Variants in TP53BP1 observed in about 807,000 individuals in gnomAD.
TP53BP1 encodes the protein TP53-binding protein 1.
In TP53BP1, 61 loss-of-function variants were observed where a neutral mutation model predicts 200.8. That is an observed-to-expected ratio of 0.30 (90% CI 0.25 to 0.38). TP53BP1 has a LOEUF of 0.38. Ranked by LOEUF, TP53BP1 falls within the 10% of genes least tolerant of loss-of-function variation. TP53BP1 has a pLI of 1.00. For synonymous variants in TP53BP1, 822 were observed against 844.3 expected (o/e 0.97, Z 0.46); for missense variants, 2,144 against 2,371.9 (o/e 0.90, Z 2.00).
At chr15:43,418,235 C>T (rs561132158) in intron 21 of TP53BP1, among the ~76,000 whole-genome samples, 6 of 148,454 alleles carry the variant, frequency 4.0e-5, no homozygotes, top group Admixed American at 6.7e-5. Context: ...TGGTGGCTCA[C>T]GTCTGTAATC....
Position 43,446,538 on chromosome 15 carries a change from T to C in TP53BP1, c.2889A>G (p.Glu963=). The part of the protein sequence containing the change: ...STIATSDVMS[E]SMVETHDPIL... Reference sequence around the variant, plus strand: ...TGGGATCATGGGTCTCCACCATGCTTTCAGACATGACATCACTGGTTGCTA... The same window carrying C: ...TGGGATCATGGGTCTCCACCATGCTCTCAGACATGACATCACTGGTTGCTA... Residue 963 remains glutamate (E), a synonymous_variant, in exon 14 of 28, where the codon GAA becomes GAG. Coordinates refer to ENST00000382044, the MANE Select transcript of TP53BP1 (RefSeq NM_001141980.3). 1 of 1,614,176 alleles carries C rather than the reference T, an allele frequency of 6.2e-7. No individual in the cohort carries two copies. Among genetic ancestry groups the C allele is most frequent in the Admixed American group, 1.7e-5 (1 of 60,016 alleles).
chr15:43,425,404 C>T (rs904638059), intron 18 of TP53BP1, among the ~76,000 whole-genome samples: 2 of 152,170 alleles, frequency 1.3e-5, no homozygotes, highest in African/African-American at 4.8e-5. Context: ...AGGAAGATCA[C>T]TTGAGAACAG....
At position 43,440,516 on chromosome 15, in the gene TP53BP1, A is replaced by G. The variant is rs542688717; in HGVS notation, c.3098+1010T>C. ...GATGACAGAGTGAGACTCCGTCTCA[A>G]AAAAAAAAACAAAAAAAAAACACTC... On this transcript the variant is annotated intron_variant, in intron 15 of 27. Coordinates refer to ENST00000382044, the MANE Select transcript of TP53BP1 (RefSeq NM_001141980.3). Among the ~76,000 whole-genome samples, 298 of 142,494 alleles carry G rather than the reference A, an allele frequency of 2.1e-3. 1 individual carries two copies. Among genetic ancestry groups the G allele is most frequent in the African/African-American group, 5.2e-3 (188 of 36,038 alleles). The allele number at this position is 142,494 out of a possible 152,430, so 93.5% of individuals were successfully genotyped here.
chr15:43,455,624 G>A (rs2046274141), intron 12 of TP53BP1, among the ~76,000 whole-genome samples: 2 of 151,900 alleles, frequency 1.3e-5, no homozygotes, highest in Non-Finnish European at 2.9e-5. Flanking sequence ...GGAGGCTGAG[G>A]CACGAGAAAT....
chr15:43,493,752 A>G (rs1361664536), upstream of TP53BP1, among the ~76,000 whole-genome samples: 3 of 152,192 alleles, frequency 2.0e-5, no homozygotes, highest in East Asian at 1.9e-4. Flanking sequence ...CCAGTAAGCC[A>G]TATTTCTTCC....
intron 12 of TP53BP1, among the ~76,000 whole-genome samples, chr15:43,449,129 A>AAAAAC (rs907211400): frequency 1.3e-5 from 2 of 152,302 alleles, no homozygotes; most frequent in African/African-American, 2.4e-5. Context: ...CGTGCCTCAA[A>AAAAAC]AAAACAAAAC....
At chr15:43,414,542 T>G (rs1182778274) in intron 23 of TP53BP1, among the ~76,000 whole-genome samples, 1 of 152,126 alleles carries the variant, frequency 6.6e-6, no homozygotes, top group Non-Finnish European at 1.5e-5. Flanking sequence ...GGGAATAGAC[T>G]GATTTTACCT....
chr15:43,456,420 T>C lies in TP53BP1; in HGVS notation c.2188A>G (p.Ile730Val), dbSNP rs1179485141. The change falls in exon 12 of 28, where the codon ATT (isoleucine) becomes GTT (valine). Residue 730 changes from isoleucine to valine, a missense_variant. Transcript: ENST00000382044. ...ATTGCCAACTTTTGAGGGGAATCAA[T>C]ACTAATCACACTGGTTTCAACTTCC... The part of the protein sequence containing the change: ...AMEVETSVIS[I>V]DSPQKLAILD... The C allele has an allele frequency of 6.3e-6, 10 of 1,587,492 alleles. No individual in the cohort carries two copies. Among genetic ancestry groups the C allele is most frequent in the South Asian group, 2.4e-5 (2 of 84,998 alleles).
chr15:43,491,931 T>G (rs2079129531), intron 3 of TP53BP1, 71 bp downstream of exon 3: 1 of 1,286,392 alleles, frequency 7.8e-7, no homozygotes, highest in Non-Finnish European at 1.1e-6. Flanking sequence ...CCACATAAAG[T>G]TTAAATCCAC....
intron 4 of TP53BP1, 77 bp downstream of exon 4, chr15:43,491,592 T>G (rs2079123297): frequency 1.9e-6 from 2 of 1,070,152 alleles, no homozygotes; most frequent in Admixed American, 3.4e-5. Context: ...CTTTTATCCT[T>G]GGGATGAGGC....
intron 18 of TP53BP1, among the ~76,000 whole-genome samples, chr15:43,423,309 G>A (rs1271118131): frequency 6.6e-6 from 1 of 151,462 alleles, no homozygotes; most frequent in African/African-American, 2.4e-5. Context: ...TATGTTAATT[G>A]CCAGAGAGGA....
chr15:43,507,190 A>G, intron 1 of TP53BP1, among the ~76,000 whole-genome samples: 1 of 151,670 alleles, frequency 6.6e-6, no homozygotes, highest in Non-Finnish European at 1.5e-5. Context: ...CCTGGAGTAC[A>G]GTGGCACAAT....
intron 5 of TP53BP1, among the ~76,000 whole-genome samples, chr15:43,480,325 G>A (rs1566961202): frequency 6.6e-6 from 1 of 152,116 alleles, no homozygotes; most frequent in Non-Finnish European, 1.5e-5. Context: ...GCGCACACAT[G>A]TAATCCTGGC....
At chr15:43,435,556 T>TTGA (rs1271930811) in intron 16 of TP53BP1, among the ~76,000 whole-genome samples, 5 of 152,212 alleles carry the variant, frequency 3.3e-5, no homozygotes, top group Non-Finnish European at 5.9e-5. Context: ...AATCACATGA[T>TTGA]TTCAGGATCA....
chr15:43,480,829 C>T, intron 5 of TP53BP1, 66 bp downstream of exon 5: 2 of 1,556,032 alleles, frequency 1.3e-6, no homozygotes, highest in Non-Finnish European at 1.8e-6. Flanking sequence ...GAAATTTAGA[C>T]ATCTGCACAA....
At chr15:43,450,948 T>C (rs1416388807) in intron 12 of TP53BP1, among the ~76,000 whole-genome samples, 1 of 152,158 alleles carries the variant, frequency 6.6e-6, no homozygotes, top group East Asian at 1.9e-4. Flanking sequence ...AATCTCAGCT[T>C]ACTACAACCT....
intron 9 of TP53BP1, 133 bp from the exon 10 acceptor site, chr15:43,474,900 C>G (rs1278542462): frequency 1.7e-6 from 1 of 575,788 alleles, no homozygotes; most frequent in Non-Finnish European, 3.0e-6. Flanking sequence ...TTTTCCCCAA[C>G]AGCAACCTGA....
rs771104426 is a variant in TP53BP1 at position 43,456,017 on chromosome 15, G to C, written c.2591C>G (p.Thr864Arg). ...TGAGTCTTCTGTTAATGAATTACTT[G>C]TTTTCTCCTGAGTTTGGGGCTGCTG... ...ELQQPQTQEKTSNSLTEDSKM... is the reference protein window; with the variant it reads ...ELQQPQTQEKRSNSLTEDSKM... The change falls in exon 12 of 28, where the codon ACA becomes AGA. Residue 864 changes from threonine (T) to arginine (R), a missense_variant. Physicochemically the swap from Thr to Arg is moderately conservative, Grantham distance 71 (BLOSUM62 -1). Transcript: ENST00000382044. 6.8e-6 allele frequency: 11 copies of C among 1,614,076 alleles called. No homozygotes were observed. The East Asian group carries it at 2.5e-4, about 36-fold the overall frequency.
Position 43,404,387 on chromosome 15 carries a change from T to C in TP53BP1, c.*2996A>G, listed in dbSNP as rs1355642300. The C allele has an allele frequency of 2.1e-5, 34 of 1,613,410 alleles. No individual in the cohort carries two copies. Among genetic ancestry groups the C allele is most frequent in the Non-Finnish European group, 2.5e-5 (30 of 1,179,660 alleles). On this transcript the variant is annotated 3_prime_UTR_variant, in exon 28 of 28. Coordinates refer to ENST00000382044, the MANE Select transcript of TP53BP1 (RefSeq NM_001141980.3). ...GGAGAGTTGGTGAGCTGAAGTGGAA[T>C]GACAGCTGAGTCCTTCTCTCTGCAG...
Sources: allele counts gnomAD v4.1 joint callset (sites outside exome capture counted in the v4.1 genomes callset), GRCh38; gene constraint gnomAD v4.1.1; transcripts MANE v1.5; gene names NCBI Gene and HGNC (gene_info 2026-07-23, HGNC 2026-07-21).